Variants in C3orf33 observed in about 807,000 individuals in gnomAD.
C3orf33 encodes mitochondrial inner membrane subdomain organizer 1, also known as AP-1 activity suppressor.
A neutral mutation model predicts 28.7 loss-of-function variants in C3orf33; 23 were observed. The observed-to-expected ratio is 0.80, with a 90% CI of 0.58 to 1.13. The LOEUF (loss-of-function observed/expected upper bound fraction) is 1.13, where lower values mean the gene tolerates loss of function less well. C3orf33 is among the 50% of genes most tolerant of loss of function. The probability of loss-of-function intolerance (pLI) is 0.00; values close to 1 mark genes in which losing one functional copy is unlikely to be tolerated. For missense variants in C3orf33, 327 were observed against 353.4 expected (o/e 0.93, Z 0.60); for synonymous variants, 119 against 120.5 (o/e 0.99, Z 0.08).
chr3:155,773,806 T>A (rs374581306), intron 3 of C3orf33, among the ~76,000 whole-genome samples: 3 of 152,212 alleles, frequency 2.0e-5, no homozygotes, highest in Non-Finnish European at 4.4e-5. Context: ...AGGAGAGATT[T>A]AAATTATTAC....
intron 2 of C3orf33, among the ~76,000 whole-genome samples, chr3:155,782,268 T>C (rs1750950195): frequency 1.3e-5 from 2 of 149,438 alleles, no homozygotes; most frequent in Admixed American, 6.7e-5. Context: ...GGAACACCAT[T>C]AAATGAACCA....
intron 2 of C3orf33, among the ~76,000 whole-genome samples, chr3:155,795,726 C>T (rs918484684): frequency 1.2e-4 from 18 of 151,826 alleles, no homozygotes; most frequent in African/African-American, 3.9e-4. Context: ...GAGGCCAAGG[C>T]GGGCAGATCA....
At chr3:155,798,074 G>GA (rs34314152) in intron 2 of C3orf33, among the ~76,000 whole-genome samples, 34,300 of 132,232 alleles carry the variant, frequency 0.26, 4,805 homozygotes, top group East Asian at 0.58. Context: ...CTGTCTCAAA[G>GA]AAAAAAAAAA....
intron 2 of C3orf33, among the ~76,000 whole-genome samples, chr3:155,777,628 G>C (rs910746166): frequency 1.3e-5 from 2 of 151,750 alleles, no homozygotes; most frequent in Admixed American, 6.6e-5. Flanking sequence ...GTATAGATGG[G>C]GTCTTTATTT....
rs114062149 is a variant in C3orf33 at position 155,784,269 on chromosome 3, C to T, written c.175-8421G>A. ...TTTATATCCACAATGTACAAAAATGCGATTCTGTGATATCAAGAACTGAAA... is the reference window on the plus strand; with the variant it reads ...TTTATATCCACAATGTACAAAAATGTGATTCTGTGATATCAAGAACTGAAA... On this transcript the variant is annotated intron_variant, in intron 2 of 4. Coordinates refer to ENST00000340171, the MANE Select transcript of C3orf33 (RefSeq NM_001308229.2). Among the ~76,000 whole-genome samples the T allele has an allele frequency of 2.6e-3, 392 of 151,988 alleles. No homozygotes were observed. In the Middle Eastern group the frequency reaches 0.027, roughly 11 times the overall value.
intron 2 of C3orf33, among the ~76,000 whole-genome samples, chr3:155,788,553 C>T (rs1751213587): frequency 6.6e-6 from 1 of 151,516 alleles, no homozygotes; most frequent in Admixed American, 6.6e-5. Context: ...TGTGGTGGCA[C>T]AGCCTGTAAT....
chr3:155,790,677 T>C (rs33998526), intron 2 of C3orf33, among the ~76,000 whole-genome samples: 1,786 of 152,186 alleles, frequency 0.012, 14 homozygotes, highest in Non-Finnish European at 0.021. Flanking sequence ...AGTACATTGA[T>C]TATGGGATTT....
intron 2 of C3orf33, among the ~76,000 whole-genome samples, chr3:155,777,222 G>A (rs1046200415): frequency 1.3e-5 from 2 of 151,924 alleles, no homozygotes; most frequent in African/African-American, 2.4e-5. Flanking sequence ...GCTGAGGCAG[G>A]AGAACTGCTT....
At chr3:155,804,468 AATG>A (rs1369385232) in intron 1 of C3orf33, among the ~76,000 whole-genome samples, 1 of 152,260 alleles carries the variant, frequency 6.6e-6, no homozygotes, top group South Asian at 2.1e-4. Flanking sequence ...CTGGGGCTAC[AATG>A]ATGAGTGAAA....
intron 3 of C3orf33, among the ~76,000 whole-genome samples, chr3:155,770,433 T>C (rs960278426): frequency 1.3e-5 from 2 of 152,204 alleles, no homozygotes; most frequent in African/African-American, 2.4e-5. Context: ...GTCAACCCCA[T>C]AGTCTTTGAG....
chr3:155,796,780 C>T (rs1263419409), intron 2 of C3orf33, among the ~76,000 whole-genome samples: 2 of 152,128 alleles, frequency 1.3e-5, no homozygotes, highest in Non-Finnish European at 2.9e-5. Context: ...AAAGAAATAC[C>T]TACAAATCAA....
chr3:155,801,111 G>A (rs59702974), intron 2 of C3orf33, among the ~76,000 whole-genome samples: 3 of 152,000 alleles, frequency 2.0e-5, no homozygotes, highest in African/African-American at 7.3e-5. Context: ...TCAAGAGTTC[G>A]AGACCAGCCT....
intron 2 of C3orf33, among the ~76,000 whole-genome samples, chr3:155,792,083 T>A (rs142025092): frequency 9.2e-5 from 14 of 152,218 alleles, no homozygotes; most frequent in Admixed American, 8.5e-4. Context: ...TTGGCCACAG[T>A]GGTGATTATG....
chr3:155,785,601 A>G (rs2109267738), intron 2 of C3orf33, among the ~76,000 whole-genome samples: 1 of 152,332 alleles, frequency 6.6e-6, no homozygotes, highest in Admixed American at 6.5e-5. Flanking sequence ...CAGCCAATAT[A>G]TCAAAAAACA....
At chr3:155,788,686 A>C (rs948130877) in intron 2 of C3orf33, among the ~76,000 whole-genome samples, 1 of 151,468 alleles carries the variant, frequency 6.6e-6, no homozygotes, top group East Asian at 1.9e-4. Context: ...ATCAAAAAAA[A>C]AAAAAAGAAA....
chr3:155,803,584 A>AC (rs1751718224), intron 1 of C3orf33, among the ~76,000 whole-genome samples: 1 of 146,298 alleles, frequency 6.8e-6, no homozygotes, highest in Non-Finnish European at 1.5e-5. Context: ...AAAAAAAAAA[A>AC]AGAAATGAGA....
intron 1 of C3orf33, among the ~76,000 whole-genome samples, chr3:155,805,151 C>T (rs905564637): frequency 2.0e-4 from 19 of 95,788 alleles, no homozygotes; most frequent in African/African-American, 7.6e-4. Flanking sequence ...AGGCTTAGTG[C>T]TTCACTTAAA....
intron 3 of C3orf33, among the ~76,000 whole-genome samples, chr3:155,768,740 A>G (rs926163181): frequency 6.6e-6 from 1 of 152,254 alleles, no homozygotes; most frequent in Non-Finnish European, 1.5e-5. Context: ...GAACACTGTT[A>G]TATTATTTGA....
At position 155,797,487 on chromosome 3, in the gene C3orf33, C is replaced by T. The variant is rs145174317; in HGVS notation, c.174+5045G>A. On this transcript the variant is annotated intron_variant, in intron 2 of 4. Transcript: ENST00000340171. ...TCAGACAAAAGAAAGAAATAAAGAGCATCTGAACTGCAAAAAAAGAAGTTA... is the reference window on the plus strand; with the variant it reads ...TCAGACAAAAGAAAGAAATAAAGAGTATCTGAACTGCAAAAAAAGAAGTTA... Among the ~76,000 whole-genome samples, 529 of 152,134 alleles carry T rather than the reference C, an allele frequency of 3.5e-3. 4 individuals carry two copies. Among genetic ancestry groups the T allele is most frequent in the African/African-American group, 0.012 (487 of 41,488 alleles).
Sources: gnomAD v4.1 joint callset for allele counts (sites outside exome capture counted in the v4.1 genomes callset) on GRCh38, gnomAD v4.1.1 for gene constraint, MANE v1.5 for transcripts, NCBI Gene and HGNC (gene_info 2026-07-23, HGNC 2026-07-21) for gene names.